SOX6: variants seen among roughly 807,000 people sequenced by gnomAD.
The protein encoded by SOX6 is transcription factor SOX-6.
SOX6 carries 11 observed loss-of-function variants against 97.8 expected under a neutral mutation model. That is an observed-to-expected ratio of 0.11 (90% CI 0.07 to 0.19). The LOEUF (loss-of-function observed/expected upper bound fraction) is 0.19. Ranked by LOEUF, SOX6 falls within the 10% of genes least tolerant of loss-of-function variation. The probability of loss-of-function intolerance (pLI) is 1.00; values close to 1 mark genes in which losing one functional copy is unlikely to be tolerated. For missense variants in SOX6, 810 were observed against 1,039.5 expected, an observed-to-expected ratio of 0.78 and a Z score of 3.04; for synonymous variants, 360 against 371.4, an observed-to-expected ratio of 0.97 and a Z score of 0.35.
intron 3 of SOX6, among the ~76,000 whole-genome samples, chr11:16,301,841 A>G (rs1855267982): frequency 6.6e-6 from 1 of 152,124 alleles, no homozygotes; most frequent in African/African-American, 2.4e-5. Flanking sequence ...ATCTCTTCTA[A>G]TCTCCAAGTC....
intron 6 of SOX6, among the ~76,000 whole-genome samples, chr11:16,181,486 A>C (rs1851345062): frequency 6.6e-6 from 1 of 151,424 alleles, no homozygotes; most frequent in Non-Finnish European, 1.5e-5. Flanking sequence ...AATTAATCCA[A>C]CAATAATCTC....
At chr11:16,302,798 G>C (rs1340979296) in intron 3 of SOX6, among the ~76,000 whole-genome samples, 1 of 151,868 alleles carries the variant, frequency 6.6e-6, no homozygotes, top group African/African-American at 2.4e-5. Context: ...TCATACTCCT[G>C]AACTCAAGTG....
intron 9 of SOX6, among the ~76,000 whole-genome samples, chr11:16,087,692 A>G (rs1348786195): frequency 2.0e-5 from 3 of 152,160 alleles, no homozygotes; most frequent in African/African-American, 7.2e-5. Context: ...AGATTGAGGC[A>G]GATGGGATAG....
intron 1 of SOX6, among the ~76,000 whole-genome samples, chr11:16,369,228 C>T (rs542120517): frequency 6.6e-6 from 1 of 152,168 alleles, no homozygotes; most frequent in East Asian, 1.9e-4. Context: ...TGAAAAATAA[C>T]ATTTGCCCCA....
At chr11:16,543,568 T>C (rs1402639827) in intron 4 of SOX6, among the ~76,000 whole-genome samples, 1 of 152,090 alleles carries the variant, frequency 6.6e-6, no homozygotes, top group East Asian at 1.9e-4. Context: ...CTACTACCTA[T>C]AATACATAAA....
At position 16,367,663 on chromosome 11, in the gene SOX6, G is replaced by A. The variant is rs574890999; in HGVS notation, c.-4-26411C>T. 1.2e-4 allele frequency among the ~76,000 whole-genome samples: 19 copies of A among 152,232 alleles called. No homozygotes were observed. The South Asian group carries it at 3.7e-3, about 30-fold the overall frequency. On this transcript the variant is annotated intron_variant, in intron 1 of 15. Coordinates refer to the SOX6 transcript ENST00000396356. ...TGCTCTCAATCTCACCCTCAGCTTA[G>A]ACACATCACAAAATAAAATGCATGA...
chr11:16,621,030 A>G (rs1848538519), intron 3 of SOX6, among the ~76,000 whole-genome samples: 1 of 152,146 alleles, frequency 6.6e-6, no homozygotes, highest in Non-Finnish European at 1.5e-5. Context: ...TTCTGCTTTC[A>G]TTTGTGTGCC....
chr11:16,516,602 C>T (rs1860978339), intron 4 of SOX6, among the ~76,000 whole-genome samples: 1 of 151,802 alleles, frequency 6.6e-6, no homozygotes, highest in South Asian at 2.1e-4. Flanking sequence ...TTCCTCGACA[C>T]ATACACTCTC....
intron 3 of SOX6, among the ~76,000 whole-genome samples, chr11:16,623,223 G>T (rs544509635): frequency 1.2e-4 from 18 of 152,062 alleles, no homozygotes; most frequent in Admixed American, 9.8e-4. Context: ...GTTTCACCAT[G>T]TTGGTCAGAC....
intron 13 of SOX6, among the ~76,000 whole-genome samples, chr11:16,013,264 ATATT>A (rs1854784351): frequency 6.6e-6 from 1 of 152,032 alleles, no homozygotes; most frequent in Non-Finnish European, 1.5e-5. Context: ...GTAATGAAAA[ATATT>A]TATTTAATTA....
chr11:16,581,549 T>C (rs1398330264), intron 4 of SOX6, among the ~76,000 whole-genome samples: 4 of 152,140 alleles, frequency 2.6e-5, no homozygotes, highest in Non-Finnish European at 4.4e-5. Context: ...TACCATGGCA[T>C]ACGTATACCT....
At chr11:16,506,745 T>C (rs1860794171) in intron 4 of SOX6, among the ~76,000 whole-genome samples, 1 of 152,046 alleles carries the variant, frequency 6.6e-6, no homozygotes, top group Non-Finnish European at 1.5e-5. Flanking sequence ...TGTGGTAGAG[T>C]TCTCCTGAGA....
intron 3 of SOX6, among the ~76,000 whole-genome samples, chr11:16,291,520 G>C (rs1447622800): frequency 6.6e-6 from 1 of 151,772 alleles, no homozygotes; most frequent in Non-Finnish European, 1.5e-5. Flanking sequence ...TGTTTCAGTA[G>C]GGTGTTCTCA....
intron 15 of SOX6, among the ~76,000 whole-genome samples, chr11:15,979,205 T>C (rs1853592221): frequency 6.6e-6 from 1 of 151,602 alleles, no homozygotes; most frequent in Admixed American, 6.6e-5. Flanking sequence ...ATCCTTCCAG[T>C]TGAATAGGCC....
intron 4 of SOX6, among the ~76,000 whole-genome samples, chr11:16,573,161 G>A (rs375794452): frequency 2.0e-5 from 3 of 152,112 alleles, no homozygotes; most frequent in Non-Finnish European, 4.4e-5. Context: ...CTGCTGTCAG[G>A]AACAAACAAT....
intron 3 of SOX6, chr11:16,316,778 T>G (rs1295058600): frequency 6.6e-6 from 1 of 152,094 alleles, no homozygotes; most frequent in African/African-American, 2.4e-5. Context: ...GTGATCTTAC[T>G]TATTCAGTAG....
intron 9 of SOX6, among the ~76,000 whole-genome samples, chr11:16,057,328 A>G (rs560889289): frequency 5.3e-5 from 8 of 152,320 alleles, no homozygotes; most frequent in Non-Finnish European, 8.8e-5. Flanking sequence ...GTAGTAAACT[A>G]TACTTAATTT....
chr11:16,476,879 T>C (rs113367976), upstream of SOX6, among the ~76,000 whole-genome samples: 16 of 152,324 alleles, frequency 1.1e-4, no homozygotes, highest in African/African-American at 1.9e-4. Context: ...CTATATACAA[T>C]GCATTCTGTA....
chr11:16,413,126 T>C (rs1858855265), intron 1 of SOX6, among the ~76,000 whole-genome samples: 1 of 152,178 alleles, frequency 6.6e-6, no homozygotes, highest in African/African-American at 2.4e-5. Flanking sequence ...ATAAAAACAA[T>C]TGCAAACTTC....
Sources: allele counts gnomAD v4.1 joint callset (sites outside exome capture counted in the v4.1 genomes callset), GRCh38; gene constraint gnomAD v4.1.1; transcripts MANE v1.5; gene names NCBI Gene and HGNC (gene_info 2026-07-23, HGNC 2026-07-21).